DPP6: variants seen among roughly 807,000 people sequenced by gnomAD.
DPP6 encodes dipeptidyl peptidase like 6.
In DPP6, 69 loss-of-function variants were observed where a neutral mutation model predicts 122.6. The ratio of observed to expected loss-of-function variants is 0.56; its 90% CI spans 0.46 to 0.69. The LOEUF (loss-of-function observed/expected upper bound fraction) is 0.69. DPP6 is among the 30% of genes least tolerant of loss of function. The pLI is 0.00. For synonymous variants in DPP6, 418 were observed against 433.1 expected, an observed-to-expected ratio of 0.97 and a Z score of 0.43; for missense variants, 928 against 1,116.9, an observed-to-expected ratio of 0.83 and a Z score of 2.41.
intron 1 of DPP6, among the ~76,000 whole-genome samples, chr7:154,212,857 A>G (rs1799812988): frequency 1.3e-5 from 2 of 152,186 alleles, no homozygotes; most frequent in African/African-American, 4.8e-5. Context: ...GTGGGGTACT[A>G]GCTCGGGCCT....
chr7:154,750,158 C>G (rs963806129), intron 8 of DPP6, among the ~76,000 whole-genome samples: 2 of 152,204 alleles, frequency 1.3e-5, no homozygotes, highest in African/African-American at 4.8e-5. Context: ...GTCAAAAACA[C>G]GGATGGCCGC....
At chr7:154,189,093 C>T (rs1186608051) in intron 1 of DPP6, among the ~76,000 whole-genome samples, 1 of 152,132 alleles carries the variant, frequency 6.6e-6, no homozygotes, top group Non-Finnish European at 1.5e-5. Context: ...GTGGGTCTCC[C>T]TGAAACCATT....
At chr7:154,454,039 T>C (rs77524910) in intron 2 of DPP6, among the ~76,000 whole-genome samples, 7,569 of 152,246 alleles carry the variant, frequency 0.05, 397 homozygotes, top group African/African-American at 0.12. Flanking sequence ...GCTTGCTCCG[T>C]ATCTTTTGGG....
At chr7:154,779,388 T>C (rs1211433038) in intron 10 of DPP6, among the ~76,000 whole-genome samples, 1 of 151,804 alleles carries the variant, frequency 6.6e-6, no homozygotes, top group African/African-American at 2.4e-5. Flanking sequence ...TTGGTCCCTG[T>C]TGCTCTCCAT....
chr7:154,889,854 G>T, intron 25 of DPP6: 1 of 350,512 alleles, frequency 2.9e-6, no homozygotes, highest in South Asian at 3.8e-5. Flanking sequence ...CAGTGTGGCT[G>T]GGGCTATCCC....
At chr7:153,965,663 C>T (rs530575746) in intron 1 of DPP6, among the ~76,000 whole-genome samples, 88 of 152,174 alleles carry the variant, frequency 5.8e-4, no homozygotes, top group African/African-American at 2.0e-3. Context: ...CAGGCGCCCA[C>T]CACCACGCCT....
chr7:154,192,791 C>T (rs1333976902), intron 1 of DPP6, among the ~76,000 whole-genome samples: 4 of 152,202 alleles, frequency 2.6e-5, no homozygotes, highest in Non-Finnish European at 5.9e-5. Flanking sequence ...AATTATTTTA[C>T]TCCAGCTAGT....
chr7:154,836,898 G>C (rs1289450165), intron 16 of DPP6, among the ~76,000 whole-genome samples: 2 of 152,128 alleles, frequency 1.3e-5, no homozygotes, highest in African/African-American at 4.8e-5. Context: ...GTAGAGACAG[G>C]GTTTCATCAT....
At chr7:153,926,184 C>T (rs1040599406) in intron 1 of DPP6, among the ~76,000 whole-genome samples, 9 of 152,222 alleles carry the variant, frequency 5.9e-5, no homozygotes, top group Non-Finnish European at 1.3e-4. Context: ...CTTATCTCAT[C>T]TGTTACCTGT....
intron 8 of DPP6, among the ~76,000 whole-genome samples, chr7:154,750,385 G>C (rs1011693460): frequency 1.3e-5 from 2 of 152,256 alleles, no homozygotes; most frequent in Non-Finnish European, 2.9e-5. Context: ...GCCGGAGCAG[G>C]CCGCTTCTCC....
At chr7:153,858,393 G>A in the DPP6 span, among the ~76,000 whole-genome samples, 1 of 152,216 alleles carries the variant, frequency 6.6e-6, no homozygotes, top group African/African-American at 2.4e-5. Context: ...AGAGACGCTA[G>A]TAACGGTGTA....
At chr7:154,819,153 G>A (rs988525410) in intron 16 of DPP6, among the ~76,000 whole-genome samples, 9 of 152,300 alleles carry the variant, frequency 5.9e-5, no homozygotes, top group East Asian at 1.9e-4. Context: ...GGTGACTCAC[G>A]CCTGTAATGC....
At chr7:154,861,304 TTC>T (rs1803374937) in intron 17 of DPP6, among the ~76,000 whole-genome samples, 1 of 152,228 alleles carries the variant, frequency 6.6e-6, no homozygotes, top group Non-Finnish European at 1.5e-5. Flanking sequence ...CCTAAAGTTT[TTC>T]TCATTAATTC....
intron 1 of DPP6, among the ~76,000 whole-genome samples, chr7:154,229,077 G>C (rs999850431): frequency 6.6e-6 from 1 of 151,824 alleles, no homozygotes; most frequent in South Asian, 2.1e-4. Context: ...TTTCTTGGGC[G>C]TTTTTTTTCT....
chr7:153,976,466 C>G (rs1326295315), intron 1 of DPP6, among the ~76,000 whole-genome samples: 1 of 152,152 alleles, frequency 6.6e-6, no homozygotes, highest in Non-Finnish European at 1.5e-5. Context: ...ATTATCCCTC[C>G]AGGGATCCAG....
intron 1 of DPP6, among the ~76,000 whole-genome samples, chr7:154,140,289 T>A (rs1344756206): frequency 1.3e-5 from 2 of 152,192 alleles, no homozygotes; most frequent in African/African-American, 4.8e-5. Flanking sequence ...CCACACATTA[T>A]GAAAGACACA....
intron 5 of DPP6, among the ~76,000 whole-genome samples, chr7:154,568,948 A>G (rs1306991321): frequency 6.6e-6 from 1 of 152,188 alleles, no homozygotes. Context: ...ATGACTATTC[A>G]AGCAAGTATT....
chr7:154,083,761 T>C (rs1804203047), intron 1 of DPP6, among the ~76,000 whole-genome samples: 2 of 151,104 alleles, frequency 1.3e-5, no homozygotes, highest in South Asian at 2.1e-4. Context: ...CCAGGTTCCA[T>C]GCAGTGCCTC....
chr7:154,851,003 G>A (rs538403447), intron 16 of DPP6, among the ~76,000 whole-genome samples: 5 of 152,230 alleles, frequency 3.3e-5, no homozygotes, highest in South Asian at 2.1e-4. Context: ...TTTAAAATAC[G>A]TGCTTATGTG....
Sources: gnomAD v4.1 joint callset for allele counts (sites outside exome capture counted in the v4.1 genomes callset) on GRCh38, gnomAD v4.1.1 for gene constraint, MANE v1.5 for transcripts, NCBI Gene and HGNC (gene_info 2026-07-23, HGNC 2026-07-21) for gene names.